Variants in ACOXL observed in about 807,000 individuals in gnomAD.
ACOXL encodes acyl-CoA oxidase like.
ACOXL carries 70 observed loss-of-function variants against 71.9 expected under a neutral mutation model. That is an observed-to-expected ratio of 0.97 (90% confidence interval 0.80 to 1.19). The LOEUF is 1.19. ACOXL is among the 50% of genes most tolerant of loss of function. ACOXL has a pLI of 0.00. For missense variants in ACOXL, 703 were observed against 736.3 expected (o/e 0.95, Z 0.52); for synonymous variants, 253 against 281.6 (o/e 0.90, Z 1.02).
chr2:110,937,659 G>C (rs538862602), intron 12 of ACOXL, among the ~76,000 whole-genome samples: 21 of 152,324 alleles, frequency 1.4e-4, no homozygotes, highest in African/African-American at 5.1e-4. Context: ...TGGGAGTGAA[G>C]TGTGGACTTG....
intron 14 of ACOXL, among the ~76,000 whole-genome samples, chr2:111,010,785 A>G (rs2149667575): frequency 6.6e-6 from 1 of 152,298 alleles, no homozygotes; most frequent in Non-Finnish European, 1.5e-5. Context: ...CAATAGAAAG[A>G]TATCTTTACC....
At chr2:111,113,236 A>T (rs564788556) in intron 17 of ACOXL, 2 of 152,374 alleles carry the variant, frequency 1.3e-5, no homozygotes, top group South Asian at 4.1e-4. Flanking sequence ...TAGTTGCATC[A>T]GTTACAAGTT....
chr2:110,825,144 A>G (rs554695548), intron 9 of ACOXL, among the ~76,000 whole-genome samples: 1 of 152,250 alleles, frequency 6.6e-6, no homozygotes, highest in Admixed American at 6.5e-5. Flanking sequence ...GAATTAGGGG[A>G]TCTACTTCTT....
intron 13 of ACOXL, among the ~76,000 whole-genome samples, chr2:110,988,388 T>C (rs2149556667): frequency 6.6e-6 from 1 of 152,060 alleles, no homozygotes; most frequent in Admixed American, 6.5e-5. Context: ...TGCAGTGAGC[T>C]GAGATCATGC....
At chr2:110,920,732 G>A (rs2149289051) in intron 11 of ACOXL, among the ~76,000 whole-genome samples, 1 of 152,118 alleles carries the variant, frequency 6.6e-6, no homozygotes, top group Non-Finnish European at 1.5e-5. Context: ...AAAAAAGATA[G>A]ATGATGTTTT....
chr2:110,882,506 A>T (rs1558668488), intron 10 of ACOXL, among the ~76,000 whole-genome samples: 1 of 152,086 alleles, frequency 6.6e-6, no homozygotes, highest in Admixed American at 6.5e-5. Flanking sequence ...TCTTTTATGG[A>T]TCATAAAAGG....
At chr2:110,900,018 T>C (rs779194773) in intron 10 of ACOXL, among the ~76,000 whole-genome samples, 13 of 151,238 alleles carry the variant, frequency 8.6e-5, no homozygotes, top group Non-Finnish European at 1.5e-4. Context: ...AAGAAGAAAA[T>C]TGGCTGGTGT....
At chr2:110,810,678 A>C (rs1243997195) in intron 9 of ACOXL, among the ~76,000 whole-genome samples, 1 of 152,154 alleles carries the variant, frequency 6.6e-6, no homozygotes, top group African/African-American at 2.4e-5. Flanking sequence ...TCCATCCAAT[A>C]ATCCATTCAT....
intron 17 of ACOXL, chr2:111,093,394 A>G (rs1002331767): frequency 3.0e-5 from 47 of 1,553,862 alleles, no homozygotes; most frequent in Non-Finnish European, 4.0e-5. Flanking sequence ...AGGTGAGGCC[A>G]GTATTCACCA....
In ACOXL at chr2:111,003,550, C is replaced by CAAAAAAAAAAAAAAAAAA. The variant is rs548001377; in HGVS notation, c.1281+7558_1281+7575dup. On this transcript the variant is annotated intron_variant, in intron 14 of 17. Transcript: ENST00000439055. ...TGGGCGACAGGGCGAGACTCTGTCT[C>CAAAAAAAAAAAAAAAAAA]AAAAAAAAAAAAAAAAAAAAAAAAA... 2.3e-4 allele frequency among the ~76,000 whole-genome samples: 8 copies of CAAAAAAAAAAAAAAAAAA among 35,336 alleles called. 2 individuals are homozygous for CAAAAAAAAAAAAAAAAAA. Among genetic ancestry groups the CAAAAAAAAAAAAAAAAAA allele is most frequent in the South Asian group, 1.5e-3 (1 of 688 alleles). The allele number at this position is 35,336 out of a possible 152,430, so 23.2% of individuals were successfully genotyped here.
intron 10 of ACOXL, among the ~76,000 whole-genome samples, chr2:110,882,131 A>AG (rs917860576): frequency 2.6e-4 from 40 of 152,166 alleles, no homozygotes; most frequent in African/African-American, 8.7e-4. Flanking sequence ...AACAATCCTT[A>AG]GCGTGGTCAG....
In ACOXL at chr2:110,787,407, G is replaced by A. The variant is rs1390915030; in HGVS notation, c.159+2592G>A. 3.3e-5 allele frequency among the ~76,000 whole-genome samples: 5 copies of A among 151,642 alleles called. No homozygotes were observed. In the East Asian group the frequency reaches 7.8e-4, roughly 24 times the overall value. On this transcript the variant is annotated intron_variant, in intron 3 of 17. Coordinates refer to ENST00000439055, the MANE Select transcript of ACOXL (RefSeq NM_001142807.4). ...AAATTAGCCGGGCGTGGTGGCAGAC[G>A]CCTGTAGTCCCAGCTACTCGGGAGG... is the stretch of plus-strand genomic sequence containing the variant.
intron 5 of ACOXL, among the ~76,000 whole-genome samples, chr2:110,798,228 G>A (rs1444242184): frequency 6.6e-6 from 1 of 151,324 alleles, no homozygotes; most frequent in Admixed American, 6.6e-5. Flanking sequence ...ACCCTGCACT[G>A]TGTGGTTCTG....
At chr2:111,056,465 A>G (rs1003608503) in intron 16 of ACOXL, among the ~76,000 whole-genome samples, 1 of 152,094 alleles carries the variant, frequency 6.6e-6, no homozygotes, top group Non-Finnish European at 1.5e-5. Context: ...TCTTTGAGGC[A>G]TAGGGCTAAC....
At chr2:110,979,795 G>A (rs930832429) in intron 12 of ACOXL, among the ~76,000 whole-genome samples, 5 of 152,156 alleles carry the variant, frequency 3.3e-5, no homozygotes, top group South Asian at 2.1e-4. Flanking sequence ...TGGTGCAAAC[G>A]GAGGGCCTTT....
chr2:110,759,858 C>T (rs890828098), intron 1 of ACOXL, among the ~76,000 whole-genome samples: 4 of 152,044 alleles, frequency 2.6e-5, no homozygotes, highest in South Asian at 2.1e-4. Context: ...TCCAAGTCTT[C>T]TCTTGTATTC....
chr2:111,042,858 A>G (rs2065848566), intron 15 of ACOXL, among the ~76,000 whole-genome samples: 1 of 152,188 alleles, frequency 6.6e-6, no homozygotes, highest in Non-Finnish European at 1.5e-5. Flanking sequence ...ATGGAGACCA[A>G]AACAAGTGGA....
At chr2:110,755,581 T>C (rs192805798) in intron 1 of ACOXL, among the ~76,000 whole-genome samples, 6 of 152,330 alleles carry the variant, frequency 3.9e-5, no homozygotes, top group African/African-American at 1.4e-4. Context: ...GTGTTAGCAA[T>C]TTAGATATTA....
At chr2:110,863,568 T>C (rs1226358424) in intron 10 of ACOXL, among the ~76,000 whole-genome samples, 1 of 152,174 alleles carries the variant, frequency 6.6e-6, no homozygotes, top group Non-Finnish European at 1.5e-5. Flanking sequence ...ACAGAAGCCC[T>C]GAAGGTTATG....
Sources: allele counts gnomAD v4.1 joint callset (sites outside exome capture counted in the v4.1 genomes callset), GRCh38; gene constraint gnomAD v4.1.1; transcripts MANE v1.5; gene names NCBI Gene and HGNC (gene_info 2026-07-23, HGNC 2026-07-21).